The following ZNF879 variants were observed in gnomAD, a reference collection of about 807,000 sequenced individuals.
ZNF879 encodes zinc finger protein 879.
Under a neutral mutation model 44.3 loss-of-function variants are expected in ZNF879, and 32 were observed. That is an observed-to-expected ratio of 0.72 (90% CI 0.54 to 0.97). ZNF879 has a LOEUF of 0.97. Ranked by LOEUF, ZNF879 falls within the 50% of genes least tolerant of loss-of-function variation. ZNF879 has a pLI of 0.00. For synonymous variants in ZNF879, 234 were observed against 233.2 expected (o/e 1.00, Z -0.03); for missense variants, 621 against 669.7 (o/e 0.93, Z 0.80).
At chr5:179,029,926 G>A (rs1433097800) in intron 4 of ZNF879, among the ~76,000 whole-genome samples, 1 of 152,088 alleles carries the variant, frequency 6.6e-6, no homozygotes, top group Non-Finnish European at 1.5e-5. Context: ...TCTTCCTTTT[G>A]GAAATTTTAG....
intron 4 of ZNF879, 136 bp from the exon 5 acceptor site, chr5:179,032,068 CT>C (rs770477495): frequency 2.4e-5 from 17 of 719,456 alleles, no homozygotes; most frequent in Non-Finnish European, 3.7e-5. Context: ...TGTCATCCTG[CT>C]TCCTTCCTCC....
chr5:179,024,968 A>G lies in ZNF879; in HGVS notation c.-35-2A>G, dbSNP rs1202073042. 6.4e-7 allele frequency: 1 copy of G among 1,550,804 alleles called. No individual in the cohort carries two copies. The highest frequency in any genetic ancestry group is 8.7e-7 in the Non-Finnish European group (1 of 1,146,418). ...ACCTCACAGCTTTTTTCTCCATTCC[A>G]GGTGCCTTCTCCAAGAGAGGCAGCA... is the stretch of plus-strand genomic sequence containing the variant. On this transcript the variant is annotated splice_acceptor_variant, in intron 1 of 4. Transcript: ENST00000444149. LOFTEE classifies it low-confidence loss of function (5UTR_SPLICE).
At chr5:179,025,131 T>C in intron 2 of ZNF879, 94 bp downstream of exon 2, 1 of 1,424,640 alleles carries the variant, frequency 7.0e-7, no homozygotes, top group Non-Finnish European at 9.7e-7. Flanking sequence ...CCAGTGAAGC[T>C]CAGGGAAGGA....
intron 2 of ZNF879, among the ~76,000 whole-genome samples, chr5:179,025,699 T>C (rs1761245193): frequency 1.3e-5 from 2 of 152,062 alleles, no homozygotes; most frequent in Non-Finnish European, 2.9e-5. Flanking sequence ...GGCAGATCAC[T>C]TGAGGTCAGA....
chr5:179,035,048 CAA>C lies in ZNF879; in HGVS notation c.*1423_*1424del, dbSNP rs11396395. 29 of 134,264 alleles carry C rather than the reference CAA, an allele frequency of 2.2e-4. No homozygotes were observed. Among genetic ancestry groups the C allele is most frequent in the South Asian group, 4.8e-4 (2 of 4,150 alleles). The allele number at this position is 134,264 out of a possible 1,614,324, so 8.3% of individuals were successfully genotyped here. ...TGAAACCACGTCTCCACTAAAAATA[CAA>C]AAAAAAAAAAAAAATTAGCCGGCCA... On this transcript the variant is annotated 3_prime_UTR_variant, in exon 5 of 5. Coordinates refer to ENST00000444149, the MANE Select transcript of ZNF879 (RefSeq NM_001136116.3).
At chr5:179,031,923 G>C (rs185315375) in intron 4 of ZNF879, among the ~76,000 whole-genome samples, 1 of 152,116 alleles carries the variant, frequency 6.6e-6, no homozygotes. Flanking sequence ...AGGGACACAG[G>C]CTGTGTTCAG....
At position 179,033,013 on chromosome 5, in the gene ZNF879, A is replaced by G; in HGVS notation, c.1065A>G (p.Ser355=). The G allele has an allele frequency of 1.3e-6, 2 of 1,556,374 alleles. No individual in the cohort carries two copies. Among genetic ancestry groups the G allele is most frequent in the Non-Finnish European group, 1.7e-6 (2 of 1,150,006 alleles). Reference sequence around the variant, plus strand: ...CTCAGTGTGGGAAAGCCTTCACTTCAATATCGCGGCTAAGTAGGCACCATC... The same window carrying G: ...CTCAGTGTGGGAAAGCCTTCACTTCGATATCGCGGCTAAGTAGGCACCATC... ...ECTQCGKAFT[S]ISRLSRHHRI... The change falls in exon 5 of 5, where the codon TCA becomes TCG. Residue 355 remains serine (S), a synonymous_variant. Coordinates refer to ENST00000444149, the MANE Select transcript of ZNF879 (RefSeq NM_001136116.3).
In ZNF879 at chr5:179,028,067, T is replaced by C. The variant is rs762209197; in HGVS notation, c.196T>C (p.Leu66=). 2 of 1,551,494 alleles carry C rather than the reference T, an allele frequency of 1.3e-6. No individual in the cohort carries two copies. The highest frequency in any genetic ancestry group is 2.4e-5 in the South Asian group (2 of 84,050). ...TTCCAAGCCAAAGGTCATCTCCCAGTTAGAGCAAGGAGAAGACCCCTGGAT... is the reference window on the plus strand; with the variant it reads ...TTCCAAGCCAAAGGTCATCTCCCAGCTAGAGCAAGGAGAAGACCCCTGGAT... ...LFSKPKVISQ[L]EQGEDPWMVE... is the part of the protein sequence containing the mutation. The change falls in exon 4 of 5, where the codon TTA becomes CTA. Residue 66 remains leucine (L), a synonymous_variant. Transcript: ENST00000444149.
rs1174323409 is a variant in ZNF879 at position 179,027,574 on chromosome 5, G to A, written c.135G>A (p.Glu45=). ...QRALYREVML[E]NYSILVSLGI... The stretch of plus-strand genomic sequence containing the variant: ...CCTTGTACCGGGAGGTGATGCTGGA[G>A]AACTACAGCATCCTGGTCTCACTGG... The change falls in exon 3 of 5, where the codon GAG becomes GAA. Residue 45 remains glutamate, a synonymous_variant. Coordinates refer to ENST00000444149, the MANE Select transcript of ZNF879 (RefSeq NM_001136116.3). 3 of 1,613,990 alleles carry A rather than the reference G, an allele frequency of 1.9e-6. No homozygotes were observed. The highest frequency in any genetic ancestry group is 2.5e-6 in the Non-Finnish European group (3 of 1,180,042).
intron 3 of ZNF879, 56 bp downstream of exon 3, chr5:179,027,655 A>AG: frequency 5.7e-6 from 9 of 1,584,852 alleles, no homozygotes; most frequent in South Asian, 1.1e-5. Context: ...TAGCACCCTC[A>AG]GGGGGCACAT....
intron 4 of ZNF879, among the ~76,000 whole-genome samples, chr5:179,028,605 A>C (rs967129768): frequency 3.3e-5 from 5 of 152,192 alleles, no homozygotes; most frequent in African/African-American, 1.2e-4. Context: ...ATGTATTTAC[A>C]TACATGAAAG....
chr5:179,033,778 G>C lies in ZNF879; in HGVS notation c.*138G>C. ...GCATTAGACCTCATCACACATCAGA[G>C]ACTTCATGATGCAGGGTAACCTTGG... On this transcript the variant is annotated 3_prime_UTR_variant, in exon 5 of 5. Transcript: ENST00000444149. 1 of 583,834 alleles carries C rather than the reference G, an allele frequency of 1.7e-6. No individual in the cohort carries two copies. Among genetic ancestry groups the C allele is most frequent in the South Asian group, 3.0e-5 (1 of 33,834 alleles). The allele number at this position is 583,834 out of a possible 1,614,324, so 36.2% of individuals were successfully genotyped here. A position where few individuals can be genotyped will look rare whatever the true frequency, so the allele number is the denominator to read the frequency against.
intron 4 of ZNF879, among the ~76,000 whole-genome samples, chr5:179,029,671 G>A (rs1761370484): frequency 6.6e-6 from 1 of 152,052 alleles, no homozygotes; most frequent in Admixed American, 6.6e-5. Context: ...GCAAAAAAAA[G>A]TCACCTGGAA....
At chr5:179,024,052 G>T (rs1453717411) in intron 1 of ZNF879, 148 bp downstream of exon 1, 1 of 152,236 alleles carries the variant, frequency 6.6e-6, no homozygotes, top group Non-Finnish European at 1.5e-5. Flanking sequence ...GGCCCCGGAG[G>T]GGGCGTGGCC....
chr5:179,033,954 CCTG>C lies in ZNF879; in HGVS notation c.*318_*320del, dbSNP rs1761512657. The C allele has an allele frequency of 9.6e-6, 2 of 207,798 alleles. No homozygotes were observed. Among genetic ancestry groups the C allele is most frequent in the Non-Finnish European group, 1.9e-5 (2 of 104,658 alleles). The allele number at this position is 207,798 out of a possible 1,614,324, so 12.9% of individuals were successfully genotyped here. On this transcript the variant is annotated 3_prime_UTR_variant, in exon 5 of 5. Transcript: ENST00000444149. ...AGCTTTCCTGAGCATCACTGGGAAG[CCTG>C]CTGTTTATGTACAAGTACAGCCATA...
At position 179,033,904 on chromosome 5, in the gene ZNF879, C is replaced by T. The variant is rs1219936904; in HGVS notation, c.*264C>T. The stretch of plus-strand genomic sequence containing the variant: ...GATTGCAGGGTTAGTATTTGATTGT[C>T]TAGTGATGTACGATAACAGCCACCA... On this transcript the variant is annotated 3_prime_UTR_variant, in exon 5 of 5. Coordinates refer to ENST00000444149, the MANE Select transcript of ZNF879 (RefSeq NM_001136116.3). The T allele has an allele frequency of 3.4e-6, 1 of 293,964 alleles. No homozygotes were observed. The highest frequency in any genetic ancestry group is 2.2e-5 in the African/African-American group (1 of 45,832). 18.2% of individuals were successfully genotyped at this position (293,964 alleles called of 1,614,324 possible). A position where few individuals can be genotyped will look rare whatever the true frequency, so the allele number is the denominator to read the frequency against.
chr5:179,029,131 T>C (rs960451915), intron 4 of ZNF879, among the ~76,000 whole-genome samples: 1 of 150,428 alleles, frequency 6.6e-6, no homozygotes, highest in African/African-American at 2.5e-5. Flanking sequence ...CTCTGCATTG[T>C]CCAAACTGCT....
At position 179,030,148 on chromosome 5, in the gene ZNF879, C is replaced by T. The variant is rs143826761; in HGVS notation, c.256+2021C>T. Among the ~76,000 whole-genome samples the T allele has an allele frequency of 1.2e-4, 19 of 152,268 alleles. No individual in the cohort carries two copies. The East Asian group carries it at 2.3e-3, about 19-fold the overall frequency. ...TAAATTAAAATCAATGAAATTCCAA[C>T]GAAGCACAAGTTACCATTTTTCCCT... is the stretch of plus-strand genomic sequence containing the variant. On this transcript the variant is annotated intron_variant, in intron 4 of 4. Coordinates refer to ENST00000444149, the MANE Select transcript of ZNF879 (RefSeq NM_001136116.3).
Position 179,033,557 on chromosome 5 carries a change from G to GA in ZNF879, c.1614dup (p.Pro539ThrfsTer3). On this transcript the variant is annotated frameshift_variant, in exon 5 of 5. Transcript: ENST00000444149. LOFTEE classifies it high-confidence loss of function. ...GACACACATGAGAATTCATACAGGGGAAAAACCTTATAAATGTAAAGAATG... is the reference window on the plus strand; with the variant it reads ...GACACACATGAGAATTCATACAGGGGAAAAAACCTTATAAATGTAAAGAATG... 1 of 1,552,268 alleles carries GA rather than the reference G, an allele frequency of 6.4e-7. No individual in the cohort carries two copies. The highest frequency in any genetic ancestry group is 8.7e-7 in the Non-Finnish European group (1 of 1,147,702).
Sources: allele counts gnomAD v4.1 joint callset (sites outside exome capture counted in the v4.1 genomes callset), GRCh38; gene constraint gnomAD v4.1.1; transcripts MANE v1.5; gene names NCBI Gene and HGNC (gene_info 2026-07-23, HGNC 2026-07-21).